The following ZNF653 variants were observed in gnomAD, a reference collection of about 807,000 sequenced individuals.
ZNF653 encodes zinc finger protein 653, also known as 67 kDa zinc finger protein.
In ZNF653, 37 loss-of-function variants were observed where a neutral mutation model predicts 59.9. The observed-to-expected ratio is 0.62, with a 90% CI of 0.48 to 0.81. The LOEUF is 0.81. ZNF653 is among the 40% of genes least tolerant of loss of function. The pLI, the probability that ZNF653 is intolerant of heterozygous loss-of-function variation, is 0.00. For synonymous variants in ZNF653, 435 were observed against 371.8 expected, an observed-to-expected ratio of 1.17 and a Z score of -1.96; for missense variants, 808 against 881.1, an observed-to-expected ratio of 0.92 and a Z score of 1.05.
At chr19:11,503,798 C>G (rs1357697401) in intron 1 of ZNF653, among the ~76,000 whole-genome samples, 1 of 151,826 alleles carries the variant, frequency 6.6e-6, no homozygotes, top group Non-Finnish European at 1.5e-5. Context: ...AAAGTGAGAC[C>G]CTGTCTCAAG....
rs1035441401 is a variant in ZNF653 at position 11,487,219 on chromosome 19, G to A, written c.1172-61C>T. ...CGAAGGCTGCCGAGGTGCCCACTTC[G>A]AGGGCCATTCCTCGCCCGGCCCCTC... On this transcript the variant is annotated intron_variant, in intron 4 of 8. Transcript: ENST00000293771. The surrounding 1 kb of genome is among the most constrained non-coding windows in gnomAD (Gnocchi z 5.1). 23 of 1,601,184 alleles carry A rather than the reference G, an allele frequency of 1.4e-5. No individual in the cohort carries two copies. Among genetic ancestry groups the A allele is most frequent in the Middle Eastern group, 1.7e-4 (1 of 6,030 alleles).
intron 1 of ZNF653, among the ~76,000 whole-genome samples, 164 bp from the exon 2 acceptor site, chr19:11,498,503 G>A (rs1305744104): frequency 6.6e-6 from 1 of 152,194 alleles, no homozygotes; most frequent in Non-Finnish European, 1.5e-5. Context: ...GAGTGCAGTG[G>A]TGAGATCTTG....
At chr19:11,505,378 G>A in intron 1 of ZNF653, 110 bp downstream of exon 1, 7 of 1,167,442 alleles carry the variant, frequency 6.0e-6, no homozygotes, top group Non-Finnish European at 7.8e-6. Flanking sequence ...GCTCCTGGGC[G>A]GGGTCCGCAG....
intron 3 of ZNF653, among the ~76,000 whole-genome samples, chr19:11,494,558 C>T (rs1448465473): frequency 6.6e-6 from 1 of 151,948 alleles, no homozygotes; most frequent in Non-Finnish European, 1.5e-5. Flanking sequence ...GGTGTGGTGG[C>T]AGATGCCTGT....
At chr19:11,498,118 G>T (rs1447582113) in intron 2 of ZNF653, among the ~76,000 whole-genome samples, 178 bp downstream of exon 2, 2 of 152,206 alleles carry the variant, frequency 1.3e-5, no homozygotes, top group Non-Finnish European at 2.9e-5. Context: ...GCAAGAGAAT[G>T]AGGGAGCCAA....
At position 11,505,495 on chromosome 19, in the gene ZNF653, G is replaced by C. The variant is rs762481773; in HGVS notation, c.292C>G (p.Arg98Gly). The C allele has an allele frequency of 6.7e-6, 10 of 1,486,708 alleles. No individual in the cohort carries two copies. The African/African-American group carries it at 1.3e-4, about 20-fold the overall frequency. 92.1% of individuals were successfully genotyped at this position (1,486,708 alleles called of 1,614,324 possible). The change falls in exon 1 of 9, where the codon CGC (arginine) becomes GGC (glycine). Residue 98 changes from arginine (R) to glycine (G), a missense_variant. Transcript: ENST00000293771. ...ISLERGQRSGRHGKPWEQVPK... is the reference protein window; with the variant it reads ...ISLERGQRSGGHGKPWEQVPK... ...GGGGCCAGGCCCCCTCACCCGTGGC[G>C]GCCGCTCCGCTGGCCGCGCTCCAGA... is the stretch of plus-strand genomic sequence containing the variant.
chr19:11,505,718 T>C lies in ZNF653; in HGVS notation c.69A>G (p.Ala23=). Residue 23 remains alanine, a synonymous_variant, in exon 1 of 9, where the codon GCA becomes GCG. Transcript: ENST00000293771. The part of the protein sequence containing the change: ...EAEAGAGGEA[A]AEEGAAGRKA... ...TTCGGCCCGCTGCGCCCTCCTCGGC[T>C]GCTGCCTCCCCGCCCGCGCCCGCCT... The C allele has an allele frequency of 5.4e-6, 8 of 1,475,496 alleles. No homozygotes were observed. The highest frequency in any genetic ancestry group is 7.1e-6 in the Non-Finnish European group (8 of 1,122,802). 91.4% of individuals were successfully genotyped at this position (1,475,496 alleles called of 1,614,324 possible).
At chr19:11,502,028 C>T (rs1213685896) in intron 1 of ZNF653, among the ~76,000 whole-genome samples, 3 of 152,054 alleles carry the variant, frequency 2.0e-5, no homozygotes, top group Non-Finnish European at 2.9e-5. Flanking sequence ...CTCCTTACTT[C>T]GTGATTTGCT....
chr19:11,492,098 G>A (rs1419137338), intron 3 of ZNF653, among the ~76,000 whole-genome samples: 2 of 151,976 alleles, frequency 1.3e-5, no homozygotes, highest in African/African-American at 2.4e-5. Flanking sequence ...CCAGGCTGGA[G>A]TGCAATGGTG....
At chr19:11,504,230 T>C (rs1255903093) in intron 1 of ZNF653, among the ~76,000 whole-genome samples, 2 of 151,682 alleles carry the variant, frequency 1.3e-5, no homozygotes, top group African/African-American at 4.9e-5. Flanking sequence ...TAAAACCCTG[T>C]CTCTACTAAA....
intron 3 of ZNF653, among the ~76,000 whole-genome samples, chr19:11,488,783 A>G (rs577590038): frequency 1.3e-5 from 2 of 148,954 alleles, no homozygotes; most frequent in South Asian, 4.3e-4. Flanking sequence ...TTTTTAGTAG[A>G]GATGGAGTTT....
In ZNF653 at chr19:11,487,460, T is replaced by G. The variant is rs759741613; in HGVS notation, c.1003A>C (p.Ile335Leu). ...CTGCCTGCTGCCATGTTGAGGTGAATGCCCTCGGCCGTGAGAGCGTCGTAA... is the reference window on the plus strand; with the variant it reads ...CTGCCTGCTGCCATGTTGAGGTGAAGGCCCTCGGCCGTGAGAGCGTCGTAA... ...PGYDALTAEGIHLNMAAGSGV... is the reference protein window; with the variant it reads ...PGYDALTAEGLHLNMAAGSGV... Residue 335 changes from isoleucine to leucine, a missense_variant, in exon 4 of 9, where the codon ATT becomes CTT. Coordinates refer to ENST00000293771, the MANE Select transcript of ZNF653 (RefSeq NM_138783.4). This position sits in a 1 kb window ranked among gnomAD's most constrained non-coding sequence, Gnocchi z 5.1. 2.4e-5 allele frequency: 39 copies of G among 1,613,148 alleles called. No individual in the cohort carries two copies. The highest frequency in any genetic ancestry group is 3.3e-5 in the Non-Finnish European group (39 of 1,179,974).
intron 3 of ZNF653, among the ~76,000 whole-genome samples, chr19:11,493,473 A>G (rs2144942399): frequency 6.6e-6 from 1 of 152,338 alleles, no homozygotes; most frequent in African/African-American, 2.4e-5. Flanking sequence ...GGGCAGTGAG[A>G]TGCCCACTGT....
At chr19:11,496,382 A>G (rs1738479923) in intron 2 of ZNF653, among the ~76,000 whole-genome samples, 1 of 152,178 alleles carries the variant, frequency 6.6e-6, no homozygotes, top group Non-Finnish European at 1.5e-5. Context: ...AAAGTCATGT[A>G]AACAGTGGAG....
chr19:11,492,506 A>G (rs35949302), intron 3 of ZNF653, among the ~76,000 whole-genome samples: 31,573 of 151,828 alleles, frequency 0.21, 3,894 homozygotes, highest in Middle Eastern at 0.34. Flanking sequence ...CACCATGCCC[A>G]GCTAACTTTT....
At chr19:11,505,439 G>A in intron 1 of ZNF653, 49 bp downstream of exon 1, 2 of 1,388,670 alleles carry the variant, frequency 1.4e-6, no homozygotes, top group Non-Finnish European at 9.3e-7. Context: ...AGCCCGGCGG[G>A]GTCTGGGGGC....
Position 11,487,893 on chromosome 19 carries a change from C to A in ZNF653, c.570G>T (p.Gly190=), listed in dbSNP as rs2144935768. The A allele has an allele frequency of 6.3e-7, 1 of 1,589,566 alleles. No homozygotes were observed. Among genetic ancestry groups the A allele is most frequent in the Non-Finnish European group, 8.6e-7 (1 of 1,165,438 alleles). ...ATGAGTCAGAGCTGCCAGCCACCAG[C>A]CCATTGCCCACTGTGGGGACAGAAG... ...SDPDSDKVGN[G]LVAGSSDSSS... is the part of the protein sequence containing the mutation. Residue 190 remains glycine (G), a synonymous_variant, in exon 4 of 9, where the codon GGG becomes GGT. Coordinates refer to ENST00000293771, the MANE Select transcript of ZNF653 (RefSeq NM_138783.4). This position sits in a 1 kb window ranked among gnomAD's most constrained non-coding sequence, Gnocchi z 5.1.
intron 3 of ZNF653, among the ~76,000 whole-genome samples, chr19:11,492,473 C>T (rs1184860529): frequency 2.0e-5 from 3 of 152,140 alleles, no homozygotes; most frequent in Non-Finnish European, 2.9e-5. Context: ...CTTCGGCCTC[C>T]TAAAGCACTG....
intron 1 of ZNF653, chr19:11,504,605 T>C (rs1971686987): frequency 1.0e-6 from 1 of 979,018 alleles, no homozygotes; most frequent in Non-Finnish European, 1.2e-6. Context: ...GTTTGATTCT[T>C]GACTCTCAGA....
Sources: gnomAD v4.1 joint callset for allele counts (sites outside exome capture counted in the v4.1 genomes callset) on GRCh38, gnomAD v4.1.1 for gene constraint, Gnocchi (gnomAD v3.1) non-coding constraint, MANE v1.5 for transcripts, NCBI Gene and HGNC (gene_info 2026-07-23, HGNC 2026-07-21) for gene names.